The following RARB variants were observed in gnomAD, a reference collection of about 807,000 sequenced individuals.
The protein encoded by RARB is HBV-activated protein.
In RARB, 17 loss-of-function variants were observed where a neutral mutation model predicts 51.9. The ratio of observed to expected loss-of-function variants is 0.33; its 90% CI spans 0.22 to 0.49. The LOEUF is 0.49. RARB is among the 20% of genes least tolerant of loss of function. The pLI is 0.99. For missense variants in RARB, 369 were observed against 550.8 expected, an observed-to-expected ratio of 0.67 and a Z score of 3.30; for synonymous variants, 215 against 195.4, an observed-to-expected ratio of 1.10 and a Z score of -0.84.
chr3:24,899,316 C>G (rs1408658072), intron 2 of RARB, among the ~76,000 whole-genome samples: 2 of 152,146 alleles, frequency 1.3e-5, no homozygotes. Flanking sequence ...CCAGGTGATT[C>G]TGTGGCGTAT....
chr3:25,136,032 T>C (rs7653321), intron 4 of RARB, among the ~76,000 whole-genome samples: 86,723 of 151,650 alleles, frequency 0.57, 25,057 homozygotes, highest in East Asian at 0.7. Flanking sequence ...TGTTGAACAA[T>C]TCCTTATCTG....
In RARB at chr3:24,983,678, G is replaced by C. The variant is rs146301425; in HGVS notation, c.-379-76447G>C. Among the ~76,000 whole-genome samples the C allele has an allele frequency of 9.1e-3, 1,386 of 152,122 alleles. 14 individuals are homozygous for C. Among genetic ancestry groups the C allele is most frequent in the Middle Eastern group, 0.027 (8 of 294 alleles). On this transcript the variant is annotated intron_variant, in intron 2 of 11. Transcript: ENST00000383772. ...CTTTTTTGAATTATGTTTGTAGATA[G>C]GTTATGTTTTCTATGAATTTCATTT...
chr3:25,512,186 C>G (rs1384037146), intron 3 of RARB, among the ~76,000 whole-genome samples: 1 of 152,192 alleles, frequency 6.6e-6, no homozygotes, highest in Non-Finnish European at 1.5e-5. Flanking sequence ...GTTCCGGTAT[C>G]TGTTATGATA....
chr3:25,494,195 A>T (rs1337674403), intron 2 of RARB, among the ~76,000 whole-genome samples: 2 of 143,590 alleles, frequency 1.4e-5, no homozygotes, highest in Non-Finnish European at 3.1e-5. Flanking sequence ...AACACTTTGC[A>T]TGGCTTTAAG....
chr3:25,205,452 TC>T (rs1357463872), intron 5 of RARB, among the ~76,000 whole-genome samples: 1 of 152,040 alleles, frequency 6.6e-6, no homozygotes, highest in Non-Finnish European at 1.5e-5. Flanking sequence ...TGTCCAACAA[TC>T]CCCAGTGAGA....
chr3:25,396,858 G>T (rs1193322278), intron 5 of RARB, among the ~76,000 whole-genome samples: 1 of 152,136 alleles, frequency 6.6e-6, no homozygotes, highest in African/African-American at 2.4e-5. Flanking sequence ...CATACAGCCA[G>T]CAAGGCCAGT....
At chr3:24,908,938 G>A (rs181034247) in intron 2 of RARB, among the ~76,000 whole-genome samples, 33 of 151,980 alleles carry the variant, frequency 2.2e-4, no homozygotes, top group Admixed American at 1.3e-3. Flanking sequence ...AATGGCTAAC[G>A]GAATCCTATT....
At chr3:25,310,566 T>C (rs1255611286) in intron 5 of RARB, among the ~76,000 whole-genome samples, 1 of 152,212 alleles carries the variant, frequency 6.6e-6, no homozygotes, top group Non-Finnish European at 1.5e-5. Flanking sequence ...TTCAGAGTGA[T>C]TCTTCAGATG....
intron 1 of RARB, among the ~76,000 whole-genome samples, chr3:24,837,482 T>C (rs1702359584): frequency 6.6e-6 from 1 of 152,228 alleles, no homozygotes; most frequent in African/African-American, 2.4e-5. Flanking sequence ...GGTTTTCTTT[T>C]GATAATTTAA....
chr3:25,062,581 T>C (rs1343250676), intron 3 of RARB, among the ~76,000 whole-genome samples: 2 of 151,952 alleles, frequency 1.3e-5, no homozygotes, highest in East Asian at 1.9e-4. Context: ...TATGTCAATA[T>C]AATGAAATAT....
At chr3:25,266,262 A>G (rs1180618247) in intron 5 of RARB, among the ~76,000 whole-genome samples, 3 of 152,118 alleles carry the variant, frequency 2.0e-5, no homozygotes, top group Non-Finnish European at 4.4e-5. Context: ...TAATACAACA[A>G]TAGGGGTTCT....
intron 4 of RARB, among the ~76,000 whole-genome samples, chr3:25,134,899 T>A (rs974719509): frequency 2.0e-5 from 3 of 152,000 alleles, no homozygotes; most frequent in African/African-American, 7.2e-5. Flanking sequence ...ACAGACTTTT[T>A]CCCCATGAGT....
intron 2 of RARB, among the ~76,000 whole-genome samples, chr3:24,939,208 T>C (rs1419859377): frequency 6.6e-6 from 1 of 152,196 alleles, no homozygotes; most frequent in Non-Finnish European, 1.5e-5. Context: ...TCTCTCAAAC[T>C]CCTGACCTCA....
chr3:25,335,689 C>T (rs1465377864), intron 5 of RARB, among the ~76,000 whole-genome samples: 1 of 152,162 alleles, frequency 6.6e-6, no homozygotes. Context: ...ACCAAATAAC[C>T]CAACCAAATT....
intron 5 of RARB, among the ~76,000 whole-genome samples, chr3:25,211,672 C>T (rs1701700318): frequency 6.6e-6 from 1 of 151,986 alleles, no homozygotes; most frequent in Admixed American, 6.6e-5. Context: ...TTATTAAGGG[C>T]CCAACAGTGA....
At chr3:25,528,225 C>T (rs568414201) in intron 3 of RARB, among the ~76,000 whole-genome samples, 133 of 152,232 alleles carry the variant, frequency 8.7e-4, no homozygotes, top group African/African-American at 3.0e-3. Flanking sequence ...TTGAAATGGT[C>T]GGTTAAACCC....
chr3:25,048,856 C>T (rs973757172), intron 2 of RARB, among the ~76,000 whole-genome samples: 13 of 148,678 alleles, frequency 8.7e-5, no homozygotes, highest in Non-Finnish European at 1.5e-4. Flanking sequence ...CCCGGGTTCT[C>T]GCCATTCTCC....
At chr3:25,322,716 A>G (rs1704607339) in intron 5 of RARB, among the ~76,000 whole-genome samples, 1 of 152,180 alleles carries the variant, frequency 6.6e-6, no homozygotes, top group Non-Finnish European at 1.5e-5. Context: ...CCATAATTCA[A>G]TGGTTCTTAG....
intron 2 of RARB, among the ~76,000 whole-genome samples, chr3:25,055,336 C>T (rs1698414314): frequency 6.6e-6 from 1 of 152,086 alleles, no homozygotes; most frequent in African/African-American, 2.4e-5. Context: ...CATGGAGTAC[C>T]TGCCAAGTAC....
Sources: gnomAD v4.1 joint callset for allele counts (sites outside exome capture counted in the v4.1 genomes callset) on GRCh38, gnomAD v4.1.1 for gene constraint, MANE v1.5 for transcripts, NCBI Gene and HGNC (gene_info 2026-07-23, HGNC 2026-07-21) for gene names.